The following FNDC3B variants were observed in gnomAD, a reference collection of about 807,000 sequenced individuals.
FNDC3B encodes fibronectin type III domain-containing protein 3B.
FNDC3B carries 12 observed loss-of-function variants against 151.5 expected under a neutral mutation model. That is an observed-to-expected ratio of 0.08 (90% CI 0.05 to 0.13). FNDC3B has a LOEUF of 0.13. Ranked by LOEUF, FNDC3B falls within the 10% of genes least tolerant of loss-of-function variation. The pLI is 1.00. For missense variants in FNDC3B, 1,214 were observed against 1,505.3 expected, an observed-to-expected ratio of 0.81 and a Z score of 3.20; for synonymous variants, 528 against 549.0, an observed-to-expected ratio of 0.96 and a Z score of 0.54.
chr3:172,184,899 C>T (rs1343542927), intron 3 of FNDC3B, among the ~76,000 whole-genome samples: 2 of 151,936 alleles, frequency 1.3e-5, no homozygotes, highest in Admixed American at 6.6e-5. Context: ...TCTTGTATCC[C>T]TTTTGATAAT....
rs533706160 is a variant in FNDC3B, at chr3:172,060,191, C to T, written c.-29+20420C>T. Among the ~76,000 whole-genome samples, 6 of 152,212 alleles carry T rather than the reference C, an allele frequency of 3.9e-5. No individual in the cohort carries two copies. The South Asian group carries it at 6.2e-4, about 16-fold the overall frequency. ...CTCAAATACTATCTTTTAGGATTCT[C>T]GTGACTCAGTTTTGTAGTGAACTTT... is the stretch of plus-strand genomic sequence containing the variant. On this transcript the variant is annotated intron_variant, in intron 1 of 25. Transcript: ENST00000415807.
intron 1 of FNDC3B, among the ~76,000 whole-genome samples, chr3:172,049,071 T>A (rs1357873566): frequency 6.6e-6 from 1 of 152,248 alleles, no homozygotes; most frequent in African/African-American, 2.4e-5. Flanking sequence ...ATGTATGTAA[T>A]GCCACTAAGT....
At chr3:172,240,509 C>A (rs1451981292) in intron 4 of FNDC3B, among the ~76,000 whole-genome samples, 2 of 152,118 alleles carry the variant, frequency 1.3e-5, no homozygotes, top group African/African-American at 4.8e-5. Context: ...ACTCAGGTAT[C>A]CTAATTCTCA....
At chr3:172,303,645 T>A (rs1731045600) in intron 9 of FNDC3B, among the ~76,000 whole-genome samples, 2 of 152,202 alleles carry the variant, frequency 1.3e-5, no homozygotes, top group Admixed American at 1.3e-4. Flanking sequence ...TGCTGACTTA[T>A]TTAACCCAAG....
chr3:172,060,097 GT>G (rs1269127945), intron 1 of FNDC3B, among the ~76,000 whole-genome samples: 2 of 152,062 alleles, frequency 1.3e-5, no homozygotes, highest in African/African-American at 4.8e-5. Context: ...TTAAATATCT[GT>G]TTTTTTGGAG....
At chr3:172,113,154 G>A (rs1203498796) in intron 2 of FNDC3B, among the ~76,000 whole-genome samples, 1 of 152,192 alleles carries the variant, frequency 6.6e-6, no homozygotes, top group African/African-American at 2.4e-5. Context: ...TAGACAGTAA[G>A]TGAAACTTTA....
intron 1 of FNDC3B, among the ~76,000 whole-genome samples, chr3:172,053,509 C>T (rs1051509408): frequency 4.6e-5 from 7 of 152,162 alleles, no homozygotes; most frequent in Non-Finnish European, 8.8e-5. Context: ...CAGTGGCTCA[C>T]GCCTGTAATC....
chr3:172,276,738 G>A (rs1057395430), intron 6 of FNDC3B, among the ~76,000 whole-genome samples: 2 of 152,136 alleles, frequency 1.3e-5, no homozygotes, highest in African/African-American at 2.4e-5. Flanking sequence ...TTCTTAGCCT[G>A]TATCTAATTA....
chr3:172,194,604 A>G (rs1037938621), intron 3 of FNDC3B, among the ~76,000 whole-genome samples: 16 of 152,234 alleles, frequency 1.1e-4, no homozygotes, highest in Non-Finnish European at 1.8e-4. Context: ...ATTATGACAT[A>G]GATCATATAC....
Position 172,280,472 on chromosome 3 carries a change from A to T in FNDC3B, c.791-5454A>T, listed in dbSNP as rs78578928. Among the ~76,000 whole-genome samples, 523 of 152,318 alleles carry T rather than the reference A, an allele frequency of 3.4e-3. 4 individuals are homozygous for T. The highest frequency in any genetic ancestry group is 3.5e-3 in the Non-Finnish European group (240 of 68,032). ...TTTCCACGCCCCTAGTTCATTATACATGATTTGTTAAAGAGAGTAGCTATG... is the reference window on the plus strand; with the variant it reads ...TTTCCACGCCCCTAGTTCATTATACTTGATTTGTTAAAGAGAGTAGCTATG... On this transcript the variant is annotated intron_variant, in intron 6 of 25. Transcript: ENST00000415807.
intron 3 of FNDC3B, among the ~76,000 whole-genome samples, chr3:172,165,476 C>A (rs1249321262): frequency 6.6e-6 from 1 of 152,098 alleles, no homozygotes; most frequent in Non-Finnish European, 1.5e-5. Flanking sequence ...AATAGCTTTC[C>A]ATTTTTTTGT....
At chr3:172,230,218 G>A (rs990152134) in intron 4 of FNDC3B, among the ~76,000 whole-genome samples, 2 of 151,978 alleles carry the variant, frequency 1.3e-5, no homozygotes, top group African/African-American at 4.8e-5. Context: ...AGAGGCCTGG[G>A]ACCGTGGCTC....
intron 22 of FNDC3B, among the ~76,000 whole-genome samples, chr3:172,362,392 G>T (rs1414075764): frequency 6.6e-6 from 1 of 151,340 alleles, no homozygotes; most frequent in African/African-American, 2.4e-5. Flanking sequence ...TTAAATTAAA[G>T]AACTAAGAGA....
At chr3:172,082,311 T>C (rs925952915) in intron 1 of FNDC3B, among the ~76,000 whole-genome samples, 1 of 152,244 alleles carries the variant, frequency 6.6e-6, no homozygotes, top group East Asian at 1.9e-4. Context: ...CCCAGTCATT[T>C]ACTTTCTATG....
intron 3 of FNDC3B, among the ~76,000 whole-genome samples, chr3:172,203,840 C>A (rs1725292930): frequency 6.6e-6 from 1 of 152,086 alleles, no homozygotes; most frequent in South Asian, 2.1e-4. Context: ...TCCCTTCAGA[C>A]TTTTACAAAT....
intron 9 of FNDC3B, 138 bp from the exon 10 acceptor site, chr3:172,307,225 C>G: frequency 2.3e-6 from 2 of 855,532 alleles, no homozygotes. Context: ...ACAAGACCAA[C>G]AGATAAGAGC....
chr3:172,164,541 C>T (rs1722915980), intron 3 of FNDC3B, among the ~76,000 whole-genome samples: 1 of 152,010 alleles, frequency 6.6e-6, no homozygotes, highest in Admixed American at 6.6e-5. Flanking sequence ...TATTCTAAAA[C>T]TTAAAAAAAC....
At chr3:172,302,782 T>C (rs1303252882) in intron 9 of FNDC3B, 4 of 152,148 alleles carry the variant, frequency 2.6e-5, no homozygotes, top group African/African-American at 4.8e-5. Context: ...TATTCAGTGC[T>C]TCTGTAAAGG....
chr3:172,149,408 G>T (rs1400070966), intron 3 of FNDC3B, among the ~76,000 whole-genome samples: 1 of 152,032 alleles, frequency 6.6e-6, no homozygotes, highest in Non-Finnish European at 1.5e-5. Flanking sequence ...ATTGATCAGG[G>T]GTTCAGTTTT....
Sources: allele counts gnomAD v4.1 joint callset (sites outside exome capture counted in the v4.1 genomes callset), GRCh38; gene constraint gnomAD v4.1.1; transcripts MANE v1.5; gene names NCBI Gene and HGNC (gene_info 2026-07-23, HGNC 2026-07-21).